Variants in ITPR1 observed in about 807,000 individuals in gnomAD.
ITPR1 encodes the protein inositol 1,4,5-trisphosphate-gated calcium channel ITPR1.
A neutral mutation model predicts 318.4 loss-of-function variants in ITPR1; 96 were observed. The observed-to-expected ratio is 0.30, with a 90% CI of 0.26 to 0.36. The LOEUF is 0.36. Among genes scored for constraint, ITPR1 ranks in the 10% least tolerant of loss-of-function variants. The probability of loss-of-function intolerance (pLI) is 1.00; values close to 1 mark genes in which losing one functional copy is unlikely to be tolerated. For missense variants in ITPR1, 2,440 were observed against 3,460.2 expected (o/e 0.71, Z 7.40); for synonymous variants, 1,312 against 1,289.9 (o/e 1.02, Z -0.37).
rs374940696 is a variant in ITPR1 at position 4,652,169 on chromosome 3, G to C, written c.902G>C (p.Ser301Thr). The change falls in exon 11 of 62, where the codon AGC becomes ACC. Residue 301 changes from serine to threonine, a missense_variant. Coordinates refer to ENST00000649015, the MANE Select transcript of ITPR1 (RefSeq NM_001378452.1). Reference protein sequence around the residue: ...PCRGGAGYWNSLFRFKHLATG... With the variant: ...PCRGGAGYWNTLFRFKHLATG... ...CGGGGCGGAGCAGGGTATTGGAACAGCCTTTTCCGTTTCAAGCATCTGGCC... is the reference window on the plus strand; with the variant it reads ...CGGGGCGGAGCAGGGTATTGGAACACCCTTTTCCGTTTCAAGCATCTGGCC... 14 of 1,613,136 alleles carry C rather than the reference G, an allele frequency of 8.7e-6. No homozygotes were observed. The highest frequency in any genetic ancestry group is 1.2e-5 in the Non-Finnish European group (14 of 1,179,636).
chr3:4,644,339 G>C, intron 8 of ITPR1, 105 bp downstream of exon 8: 1 of 734,446 alleles, frequency 1.4e-6, no homozygotes, highest in Non-Finnish European at 2.3e-6. Context: ...AGTGACTTGG[G>C]GCAGGGTGCC....
intron 4 of ITPR1, among the ~76,000 whole-genome samples, chr3:4,572,975 T>A (rs1575576988): frequency 6.6e-6 from 1 of 152,358 alleles, no homozygotes; most frequent in Non-Finnish European, 1.5e-5. Context: ...CCATGTTTGG[T>A]TTATCCATTC....
chr3:4,655,694 A>G (rs2093690797), intron 12 of ITPR1, among the ~76,000 whole-genome samples: 2 of 152,282 alleles, frequency 1.3e-5, no homozygotes, highest in South Asian at 4.2e-4. Flanking sequence ...CTCAGAGTTC[A>G]GTGGTCTTTT....
chr3:4,707,440 C>T (rs1466341408), intron 37 of ITPR1, among the ~76,000 whole-genome samples: 1 of 152,230 alleles, frequency 6.6e-6, no homozygotes, highest in Non-Finnish European at 1.5e-5. Context: ...TGGGCTTCCT[C>T]ACATCATGGC....
intron 44 of ITPR1, among the ~76,000 whole-genome samples, chr3:4,756,490 C>T (rs996838145): frequency 6.6e-6 from 1 of 152,158 alleles, no homozygotes; most frequent in African/African-American, 2.4e-5. Flanking sequence ...CCACCCTCCA[C>T]CCTCAAGTAG....
intron 34 of ITPR1, among the ~76,000 whole-genome samples, chr3:4,698,951 C>T (rs139277860): frequency 6.6e-6 from 1 of 152,310 alleles, no homozygotes; most frequent in Non-Finnish European, 1.5e-5. Context: ...GGTGTCTCCT[C>T]ACCCCAAAAC....
chr3:4,755,169 AT>A (rs35849657), intron 44 of ITPR1, among the ~76,000 whole-genome samples: 78,779 of 131,234 alleles, frequency 0.6, 23,257 homozygotes, highest in African/African-American at 0.63. Flanking sequence ...AATACCTTTA[AT>A]TTTTTTTTTT....
chr3:4,797,448 G>T (rs920122975), intron 53 of ITPR1, among the ~76,000 whole-genome samples: 8 of 152,148 alleles, frequency 5.3e-5, no homozygotes, highest in African/African-American at 1.9e-4. Flanking sequence ...CGTATTATGT[G>T]TGCTGATTTT....
chr3:4,531,986 A>T (rs1042544518), intron 4 of ITPR1, among the ~76,000 whole-genome samples: 4 of 152,174 alleles, frequency 2.6e-5, no homozygotes, highest in Non-Finnish European at 4.4e-5. Flanking sequence ...GGAAATTATT[A>T]TGTATACCTC....
intron 57 of ITPR1, 22 bp from the exon 58 acceptor site, chr3:4,814,398 CTGT>C: frequency 1.2e-6 from 2 of 1,613,586 alleles, no homozygotes; most frequent in East Asian, 2.2e-5. Flanking sequence ...CGTTTTCTCT[CTGT>C]TGTTACTTGC....
intron 37 of ITPR1, among the ~76,000 whole-genome samples, chr3:4,708,313 G>A (rs1352117060): frequency 6.6e-6 from 1 of 152,094 alleles, no homozygotes; most frequent in Non-Finnish European, 1.5e-5. Flanking sequence ...CGTATTAGAT[G>A]GGTGTTAAAC....
chr3:4,580,185 G>A (rs1056782417), intron 4 of ITPR1, among the ~76,000 whole-genome samples: 1 of 152,088 alleles, frequency 6.6e-6, no homozygotes, highest in African/African-American at 2.4e-5. Context: ...ACTCCATCCT[G>A]GGCAACAGAG....
intron 44 of ITPR1, among the ~76,000 whole-genome samples, chr3:4,737,242 C>T (rs531377841): frequency 5.9e-5 from 9 of 152,208 alleles, no homozygotes; most frequent in African/African-American, 1.7e-4. Context: ...AACAAGGATA[C>T]GTGGATGTGC....
At chr3:4,711,071 G>A (rs1278311927) in intron 38 of ITPR1, among the ~76,000 whole-genome samples, 1 of 151,970 alleles carries the variant, frequency 6.6e-6, no homozygotes, top group Non-Finnish European at 1.5e-5. Context: ...AATTAGCTGG[G>A]CATGGTGGCG....
chr3:4,817,544 G>C (rs991892457), intron 59 of ITPR1: 1 of 152,124 alleles, frequency 6.6e-6, no homozygotes, highest in African/African-American at 2.4e-5. Flanking sequence ...ATATTTATTT[G>C]ATCAATCCTA....
intron 39 of ITPR1, among the ~76,000 whole-genome samples, chr3:4,715,675 A>G (rs2041713238): frequency 6.6e-6 from 1 of 152,230 alleles, no homozygotes; most frequent in Non-Finnish European, 1.5e-5. Flanking sequence ...CAACATGGAG[A>G]AACCCCGTCT....
At chr3:4,552,118 T>G (rs867325735) in intron 4 of ITPR1, among the ~76,000 whole-genome samples, 2 of 152,228 alleles carry the variant, frequency 1.3e-5, no homozygotes, top group East Asian at 3.8e-4. Flanking sequence ...CTCAAAGTGC[T>G]TTTTCTAGTC....
At chr3:4,768,260 C>G (rs776803588) in intron 45 of ITPR1, 4 of 386,216 alleles carry the variant, frequency 1.0e-5, no homozygotes, top group Non-Finnish European at 1.4e-5. Context: ...AGAACCTGTG[C>G]TGAGGCTTTT....
chr3:4,835,889 G>A (rs1273357495), intron 60 of ITPR1, among the ~76,000 whole-genome samples: 2 of 152,198 alleles, frequency 1.3e-5, no homozygotes, highest in Non-Finnish European at 2.9e-5. Flanking sequence ...GATGGGGATG[G>A]ACGGGGGAGG....
Sources: gnomAD v4.1 joint callset for allele counts (sites outside exome capture counted in the v4.1 genomes callset) on GRCh38, gnomAD v4.1.1 for gene constraint, MANE v1.5 for transcripts, NCBI Gene and HGNC (gene_info 2026-07-23, HGNC 2026-07-21) for gene names.